The following SLC25A28 variants were observed in gnomAD, a reference collection of about 807,000 sequenced individuals.
The protein encoded by SLC25A28 is solute carrier family 25 member 28.
In SLC25A28, 10 loss-of-function variants were observed where a neutral mutation model predicts 31.9. That is an observed-to-expected ratio of 0.31 (90% CI 0.19 to 0.53). SLC25A28 has a LOEUF of 0.53. Ranked by LOEUF, SLC25A28 falls within the 20% of genes least tolerant of loss-of-function variation. The pLI, the probability that SLC25A28 is intolerant of heterozygous loss-of-function variation, is 0.95. For synonymous variants in SLC25A28, 208 were observed against 203.6 expected (o/e 1.02, Z -0.19); for missense variants, 256 against 490.3 (o/e 0.52, Z 4.51).
the SLC25A28 span, among the ~76,000 whole-genome samples, chr10:99,626,838 C>A: frequency 6.6e-6 from 1 of 151,686 alleles, no homozygotes; most frequent in Non-Finnish European, 1.5e-5. Flanking sequence ...AAGTAGAGGG[C>A]AGTTTTCAGT....
the SLC25A28 span, among the ~76,000 whole-genome samples, chr10:99,637,142 A>C: frequency 6.6e-6 from 1 of 152,220 alleles, no homozygotes; most frequent in Non-Finnish European, 1.5e-5. Flanking sequence ...TAACATACAC[A>C]AGTCAATAAA....
At position 99,613,847 on chromosome 10, in the gene SLC25A28, T is replaced by C. The variant is rs761529901; in HGVS notation, c.369A>G (p.Arg123=). ...TCATGGGCCTCCATAGGCCCTCCGT[T>C]CTTATAATCCTCCAGAGGGCCTCCA... is the stretch of plus-strand genomic sequence containing the variant. The part of the protein sequence containing the change: ...NVLEALWRII[R]TEGLWRPMRG... Residue 123 remains arginine (R), a synonymous_variant, in exon 2 of 4, where the codon AGA becomes AGG. Coordinates refer to ENST00000370495, the MANE Select transcript of SLC25A28 (RefSeq NM_031212.4). The surrounding 1 kb of genome is among the most constrained non-coding windows in gnomAD (Gnocchi z 4.9). The C allele has an allele frequency of 8.7e-6, 14 of 1,614,198 alleles. No homozygotes were observed. In the South Asian group the frequency reaches 1.5e-4, roughly 18 times the overall value.
chr10:99,622,479 A>G (rs995092312), upstream of SLC25A28, among the ~76,000 whole-genome samples: 1 of 152,206 alleles, frequency 6.6e-6, no homozygotes, highest in African/African-American at 2.4e-5. Flanking sequence ...AGATTACTCC[A>G]CTAATGACCT....
chr10:99,617,467 A>C, intron 1 of SLC25A28: 1 of 984,842 alleles, frequency 1.0e-6, no homozygotes, highest in Non-Finnish European at 1.2e-6. Context: ...AACAACATGG[A>C]TATCTGCCTC....
the SLC25A28 span, among the ~76,000 whole-genome samples, chr10:99,647,264 A>G: frequency 1.3e-5 from 2 of 152,174 alleles, no homozygotes; most frequent in Non-Finnish European, 2.9e-5. Flanking sequence ...GGTTGTACTA[A>G]TTTACATGCC....
chr10:99,635,101 G>T, the SLC25A28 span, among the ~76,000 whole-genome samples: 4 of 152,188 alleles, frequency 2.6e-5, no homozygotes, highest in African/African-American at 9.7e-5. Context: ...AATGCTGAGA[G>T]AATTAGCCAC....
upstream of SLC25A28, chr10:99,620,594 A>G (rs1022425671): frequency 2.0e-6 from 2 of 1,007,752 alleles, no homozygotes; most frequent in Non-Finnish European, 2.4e-6. Context: ...AGGCGTTGCT[A>G]GCGCCTACAT....
chr10:99,611,768 G>A lies in SLC25A28; in HGVS notation c.578-402C>T, dbSNP rs151108467. Among the ~76,000 whole-genome samples, 801 of 152,154 alleles carry A rather than the reference G, an allele frequency of 5.3e-3. 2 individuals are homozygous for A. Among genetic ancestry groups the A allele is most frequent in the African/African-American group, 0.019 (770 of 41,500 alleles). ...CAGGCCCCTAACAATCCCAATCCTCGCATACAAAGAGCACCTAACTTTTAA... is the reference window on the plus strand; with the variant it reads ...CAGGCCCCTAACAATCCCAATCCTCACATACAAAGAGCACCTAACTTTTAA... On this transcript the variant is annotated intron_variant, in intron 3 of 3. Transcript: ENST00000370495. This position sits in a 1 kb window ranked among gnomAD's most constrained non-coding sequence, Gnocchi z 5.5.
At chr10:99,625,363 G>C (rs945886177), upstream of SLC25A28, among the ~76,000 whole-genome samples, 8 of 151,850 alleles carry the variant, frequency 5.3e-5, no homozygotes, top group African/African-American at 1.9e-4. Flanking sequence ...GCATTGATTG[G>C]TCCATTTTAC....
In SLC25A28 at chr10:99,612,762, A is replaced by T. The variant is rs183757318; in HGVS notation, c.521-163T>A. The T allele has an allele frequency of 7.2e-3, 5,249 of 727,460 alleles. 33 individuals are homozygous for T. The highest frequency in any genetic ancestry group is 0.017 in the South Asian group (1,051 of 62,650). 45.1% of individuals were successfully genotyped at this position (727,460 alleles called of 1,614,324 possible). ...ACCCACTGCTCCTAAACTCCTGTTT[A>T]AGAAGGTAAAGTATCTGTTCCCACC... On this transcript the variant is annotated intron_variant, in intron 2 of 3. Transcript: ENST00000370495.
intron 1 of SLC25A28, among the ~76,000 whole-genome samples, chr10:99,614,480 GGAAA>G (rs2034601356): frequency 6.6e-6 from 1 of 152,076 alleles, no homozygotes; most frequent in Non-Finnish European, 1.5e-5. Context: ...TTATTTCTTG[GGAAA>G]GAAAGTTTAC....
the SLC25A28 span, among the ~76,000 whole-genome samples, chr10:99,651,651 C>G: frequency 7.2e-6 from 1 of 139,616 alleles, no homozygotes; most frequent in Non-Finnish European, 1.5e-5. Flanking sequence ...AGTGCAGTGG[C>G]ACATTCATAG....
At chr10:99,643,356 A>T in the SLC25A28 span, among the ~76,000 whole-genome samples, 1 of 152,080 alleles carries the variant, frequency 6.6e-6, no homozygotes, top group Non-Finnish European at 1.5e-5. Context: ...ATTTCCTTAG[A>T]GGTGTTTATA....
the SLC25A28 span, among the ~76,000 whole-genome samples, chr10:99,650,165 A>G: frequency 1.3e-5 from 2 of 152,088 alleles, no homozygotes; most frequent in African/African-American, 4.8e-5. Flanking sequence ...AATTTTTTAA[A>G]ATTTCCATCT....
the SLC25A28 span, among the ~76,000 whole-genome samples, chr10:99,643,984 A>C: frequency 1.3e-5 from 2 of 152,176 alleles, no homozygotes; most frequent in African/African-American, 4.8e-5. Context: ...CTTTACTTCC[A>C]ACTATATGGT....
intron 1 of SLC25A28, chr10:99,618,290 T>C (rs576696492): frequency 4.1e-6 from 4 of 984,554 alleles, no homozygotes; most frequent in Non-Finnish European, 4.8e-6. Context: ...AGTGGTTAAA[T>C]TGATAAGTTA....
At chr10:99,648,130 C>G in the SLC25A28 span, among the ~76,000 whole-genome samples, 3 of 151,184 alleles carry the variant, frequency 2.0e-5, no homozygotes, top group Admixed American at 1.3e-4. Flanking sequence ...TTGCAAATAG[C>G]TGGGATTACA....
intron 1 of SLC25A28, chr10:99,619,034 C>T: frequency 1.0e-6 from 1 of 985,398 alleles, no homozygotes; most frequent in Non-Finnish European, 1.2e-6. Context: ...CAATTCAGTC[C>T]TCACCTTTAA....
At chr10:99,631,350 CAT>C in the SLC25A28 span, among the ~76,000 whole-genome samples, 3 of 152,308 alleles carry the variant, frequency 2.0e-5, no homozygotes, top group African/African-American at 7.2e-5. Context: ...CTGTAAGAAA[CAT>C]AGCTTCCTCA....
Sources: gnomAD v4.1 joint callset for allele counts (sites outside exome capture counted in the v4.1 genomes callset) on GRCh38, gnomAD v4.1.1 for gene constraint, Gnocchi (gnomAD v3.1) non-coding constraint, MANE v1.5 for transcripts, NCBI Gene and HGNC (gene_info 2026-07-23, HGNC 2026-07-21) for gene names.